ATP6V1H: variants seen among roughly 807,000 people sequenced by gnomAD.
ATP6V1H encodes V-type proton ATPase subunit H.
ATP6V1H carries 39 observed loss-of-function variants against 71.7 expected under a neutral mutation model. The ratio of observed to expected loss-of-function variants is 0.54; its 90% CI spans 0.42 to 0.71. The LOEUF (loss-of-function observed/expected upper bound fraction) is 0.71, where lower values mean the gene tolerates loss of function less well. Among genes scored for constraint, ATP6V1H ranks in the 30% least tolerant of loss-of-function variants. The pLI is 0.00. For missense variants in ATP6V1H, 509 were observed against 594.9 expected (o/e 0.86, Z 1.50); for synonymous variants, 192 against 199.3 (o/e 0.96, Z 0.31).
chr8:53,820,678 A>AAAAG (rs1554568969), intron 4 of ATP6V1H, among the ~76,000 whole-genome samples: 277 of 151,544 alleles, frequency 1.8e-3, no homozygotes, highest in African/African-American at 6.4e-3. Flanking sequence ...AAAAAAAAAA[A>AAAAG]AAAAGAAAAG....
chr8:53,811,174 G>A lies in ATP6V1H; in HGVS notation c.569C>T (p.Ser190Phe). The A allele has an allele frequency of 6.2e-7, 1 of 1,613,140 alleles. No individual in the cohort carries two copies. Among genetic ancestry groups the A allele is most frequent in the Non-Finnish European group, 8.5e-7 (1 of 1,179,316 alleles). The change falls in exon 7 of 14, where the codon TCT (serine) becomes TTT (phenylalanine). Residue 190 changes from serine to phenylalanine, a missense_variant. By Grantham distance (155) the Ser-to-Phe change is radical. This residue lies in a region of ATP6V1H where 297 missense variants were observed against 303.3 expected (regional missense o/e 0.98). Coordinates refer to ENST00000359530, the MANE Select transcript of ATP6V1H (RefSeq NM_015941.4). ...SGVAVETGTV[S>F]SSDSSQYVQC... ...AAGGAATATACTTACATCACTTGAAGAGACTGTTCCTGTTTCAACAGCAAC... is the reference window on the plus strand; with the variant it reads ...AAGGAATATACTTACATCACTTGAAAAGACTGTTCCTGTTTCAACAGCAAC...
At chr8:53,721,596 T>C (rs1179087549) in intron 13 of ATP6V1H, among the ~76,000 whole-genome samples, 10 of 152,164 alleles carry the variant, frequency 6.6e-5, no homozygotes, top group Non-Finnish European at 1.3e-4. Flanking sequence ...AGTTTAGCAA[T>C]GATAACTGAC....
At chr8:53,819,208 G>T (rs892889703) in intron 4 of ATP6V1H, among the ~76,000 whole-genome samples, 1 of 151,630 alleles carries the variant, frequency 6.6e-6, no homozygotes, top group African/African-American at 2.4e-5. Context: ...CCTGTCTCAA[G>T]AAAACAAAAA....
intron 9 of ATP6V1H, among the ~76,000 whole-genome samples, chr8:53,772,903 C>CAAAAAAAAAAAAA (rs201949406): frequency 1.3e-4 from 8 of 59,392 alleles, no homozygotes; most frequent in African/African-American, 2.5e-4. Context: ...CTATCAAATG[C>CAAAAAAAAAAAAA]AAAAAAAAAA....
chr8:53,751,657 C>T (rs1359144883), intron 12 of ATP6V1H, among the ~76,000 whole-genome samples: 4 of 151,116 alleles, frequency 2.6e-5, no homozygotes, highest in African/African-American at 7.4e-5. Flanking sequence ...ACTGATAATG[C>T]CAATAAAGAT....
intron 4 of ATP6V1H, among the ~76,000 whole-genome samples, chr8:53,820,954 C>A (rs1810631584): frequency 6.9e-6 from 1 of 145,148 alleles, no homozygotes; most frequent in Admixed American, 7.0e-5. Flanking sequence ...GCACTCCAGC[C>A]TGGATGACAA....
At chr8:53,796,651 A>C (rs1809751238) in intron 8 of ATP6V1H, among the ~76,000 whole-genome samples, 1 of 152,220 alleles carries the variant, frequency 6.6e-6, no homozygotes, top group African/African-American at 2.4e-5. Flanking sequence ...ACAAAGAGTG[A>C]GCCCTAATAT....
intron 12 of ATP6V1H, among the ~76,000 whole-genome samples, chr8:53,745,803 G>A (rs1008165287): frequency 2.6e-5 from 4 of 152,180 alleles, no homozygotes; most frequent in Non-Finnish European, 4.4e-5. Context: ...GACAACATGG[G>A]ATGGCAGAAC....
At chr8:53,722,167 G>A (rs1391039481) in intron 13 of ATP6V1H, among the ~76,000 whole-genome samples, 1 of 152,138 alleles carries the variant, frequency 6.6e-6, no homozygotes, top group East Asian at 1.9e-4. Flanking sequence ...CTCTGGCTAT[G>A]CTCAAGAGTT....
intron 10 of ATP6V1H, 111 bp downstream of exon 10, chr8:53,771,878 G>A (rs372505874): frequency 1.1e-6 from 1 of 917,228 alleles, no homozygotes; most frequent in African/African-American, 1.7e-5. Context: ...TATTTTAGTG[G>A]ACTCTCTTGA....
In ATP6V1H at chr8:53,769,675, TCA is replaced by T; in HGVS notation, c.1116_1117del (p.Lys374IlefsTer11). ...CACAGCATTCTCTCTCCAAAATTTC[TCA>T]GATTTGTGCACAGGACTCCATTCCA... On this transcript the variant is annotated frameshift_variant, in exon 11 of 14. Transcript: ENST00000359530. LOFTEE classifies it high-confidence loss of function. 6.2e-7 allele frequency: 1 copy of T among 1,613,184 alleles called. No homozygotes were observed. The highest frequency in any genetic ancestry group is 8.5e-7 in the Non-Finnish European group (1 of 1,179,362).
intron 13 of ATP6V1H, among the ~76,000 whole-genome samples, chr8:53,724,587 TC>T: frequency 4.0e-5 from 1 of 25,208 alleles, no homozygotes; most frequent in East Asian, 1.9e-3. Context: ...TCCTCCCCCC[TC>T]CCCCTCCTCC....
At chr8:53,836,736 C>T (rs980297797) in intron 2 of ATP6V1H, among the ~76,000 whole-genome samples, 11 of 152,190 alleles carry the variant, frequency 7.2e-5, no homozygotes, top group African/African-American at 2.2e-4. Flanking sequence ...CTAGCACTTA[C>T]GCAGAGGCAT....
chr8:53,772,186 T>C lies in ATP6V1H; in HGVS notation c.871-19A>G, dbSNP rs1808683524. The stretch of plus-strand genomic sequence containing the variant: ...AAAAGTTCTGGGTTAGACAAAGTGA[T>C]AGTGAGAAACTATACAATTTGTCAT... On this transcript the variant is annotated intron_variant, in intron 9 of 13. Coordinates refer to ENST00000359530, the MANE Select transcript of ATP6V1H (RefSeq NM_015941.4). The C allele has an allele frequency of 1.3e-6, 2 of 1,584,186 alleles. No homozygotes were observed. Among genetic ancestry groups the C allele is most frequent in the Admixed American group, 1.7e-5 (1 of 57,808 alleles).
chr8:53,842,237 A>G (rs1811364211), intron 1 of ATP6V1H, among the ~76,000 whole-genome samples: 3 of 152,260 alleles, frequency 2.0e-5, no homozygotes, highest in African/African-American at 7.2e-5. Context: ...CTTAGAAGAC[A>G]GTGCTTTCCT....
chr8:53,801,237 C>T (rs1379819424), intron 8 of ATP6V1H, among the ~76,000 whole-genome samples: 1 of 152,178 alleles, frequency 6.6e-6, no homozygotes, highest in Non-Finnish European at 1.5e-5. Flanking sequence ...AACAGAGAAA[C>T]AATGCCTTGC....
intron 13 of ATP6V1H, among the ~76,000 whole-genome samples, chr8:53,728,644 T>G (rs1806901814): frequency 6.6e-6 from 1 of 152,190 alleles, no homozygotes; most frequent in African/African-American, 2.4e-5. Context: ...CTCGACGGCA[T>G]TTGTTAGGTG....
intron 10 of ATP6V1H, among the ~76,000 whole-genome samples, chr8:53,770,422 C>G (rs1808613234): frequency 6.6e-6 from 1 of 152,112 alleles, no homozygotes; most frequent in Admixed American, 6.5e-5. Flanking sequence ...TAGACAAACA[C>G]AGTCAGAACA....
chr8:53,810,058 C>T (rs1810223210), intron 7 of ATP6V1H, among the ~76,000 whole-genome samples: 1 of 152,168 alleles, frequency 6.6e-6, no homozygotes, highest in South Asian at 2.1e-4. Flanking sequence ...CCGTGACATT[C>T]ATTCAGATTA....
Sources: allele counts gnomAD v4.1 joint callset (sites outside exome capture counted in the v4.1 genomes callset), GRCh38; gene constraint gnomAD v4.1.1; regional missense constraint gnomAD v4.1.1; transcripts MANE v1.5; gene names NCBI Gene and HGNC (gene_info 2026-07-23, HGNC 2026-07-21).